Variants in SLC8A1 observed in about 807,000 individuals in gnomAD.
The protein encoded by SLC8A1 is sodium/calcium exchanger 1.
In SLC8A1, 18 loss-of-function variants were observed where a neutral mutation model predicts 68.3. The observed-to-expected ratio is 0.26, with a 90% CI of 0.18 to 0.39. The LOEUF (loss-of-function observed/expected upper bound fraction) is 0.39, where lower values mean the gene tolerates loss of function less well. SLC8A1 is among the 10% of genes least tolerant of loss of function. The pLI, the probability that SLC8A1 is intolerant of heterozygous loss-of-function variation, is 1.00. For missense variants in SLC8A1, 985 were observed against 1,156.7 expected (o/e 0.85, Z 2.15); for synonymous variants, 475 against 415.5 (o/e 1.14, Z -1.74).
At chr2:40,302,074 T>TGTGTGTGTGTGTG (rs1491553759) in intron 2 of SLC8A1, among the ~76,000 whole-genome samples, 43 of 148,004 alleles carry the variant, frequency 2.9e-4, no homozygotes, top group East Asian at 1.0e-3. Flanking sequence ...TGTGTGTGTG[T>TGTGTGTGTGTGTG]TTAGTAGAGA....
chr2:40,245,683 CTTTT>C (rs60082736), intron 2 of SLC8A1, among the ~76,000 whole-genome samples: 1 of 146,706 alleles, frequency 6.8e-6, no homozygotes, highest in African/African-American at 2.5e-5. Flanking sequence ...AAAAGTCAAA[CTTTT>C]TTTTTTTTAA....
At chr2:40,126,288 T>C (rs531939508) in intron 7 of SLC8A1, among the ~76,000 whole-genome samples, 1 of 152,166 alleles carries the variant, frequency 6.6e-6, no homozygotes, top group Non-Finnish European at 1.5e-5. Context: ...GCTATATAAA[T>C]GTAGTTACTA....
chr2:40,115,920 C>A (rs1029873232), intron 7 of SLC8A1, among the ~76,000 whole-genome samples: 1 of 152,142 alleles, frequency 6.6e-6, no homozygotes, highest in Non-Finnish European at 1.5e-5. Flanking sequence ...TGCAGGGCAG[C>A]ATTTTTTCAG....
intron 1 of SLC8A1, among the ~76,000 whole-genome samples, chr2:40,500,764 T>A (rs979997235): frequency 1.4e-5 from 2 of 145,590 alleles, no homozygotes; most frequent in East Asian, 4.2e-4. Context: ...ACATAGACAC[T>A]GAACCTATAA....
intron 6 of SLC8A1, among the ~76,000 whole-genome samples, chr2:40,159,969 T>A (rs1350716370): frequency 6.6e-6 from 1 of 152,150 alleles, no homozygotes; most frequent in African/African-American, 2.4e-5. Context: ...CTACCTTTGT[T>A]AATTCGTTGC....
At chr2:40,457,261 G>T (rs1159015345) in intron 1 of SLC8A1, among the ~76,000 whole-genome samples, 1 of 152,194 alleles carries the variant, frequency 6.6e-6, no homozygotes, top group Non-Finnish European at 1.5e-5. Context: ...AGGGGCTCAA[G>T]ATAAGCTCCC....
At chr2:40,381,558 T>A (rs902971029) in intron 2 of SLC8A1, among the ~76,000 whole-genome samples, 2 of 151,980 alleles carry the variant, frequency 1.3e-5, no homozygotes, top group African/African-American at 4.8e-5. Flanking sequence ...CCTGGCCCCA[T>A]TCTTCCCATC....
At chr2:40,228,606 G>T (rs1013828408) in intron 2 of SLC8A1, among the ~76,000 whole-genome samples, 4 of 152,164 alleles carry the variant, frequency 2.6e-5, no homozygotes, top group African/African-American at 9.7e-5. Context: ...AGACCCCCAG[G>T]TCTTCACTGT....
chr2:40,496,504 A>T (rs2149930911), intron 1 of SLC8A1, among the ~76,000 whole-genome samples: 1 of 152,182 alleles, frequency 6.6e-6, no homozygotes, highest in South Asian at 2.1e-4. Flanking sequence ...ATAACCAGAT[A>T]AACCAGAGCT....
intron 7 of SLC8A1, among the ~76,000 whole-genome samples, chr2:40,127,875 G>A (rs578122425): frequency 1.5e-4 from 23 of 152,312 alleles, no homozygotes; most frequent in African/African-American, 5.3e-4. Flanking sequence ...AGGATTTATA[G>A]ATGCTGAGCT....
At chr2:40,217,083 T>C (rs2057614951) in intron 2 of SLC8A1, among the ~76,000 whole-genome samples, 1 of 152,190 alleles carries the variant, frequency 6.6e-6, no homozygotes, top group Admixed American at 6.5e-5. Flanking sequence ...CATGCCTAGA[T>C]ATTGCCTAGG....
chr2:40,393,280 T>A (rs1685894263), intron 2 of SLC8A1, among the ~76,000 whole-genome samples: 1 of 151,936 alleles, frequency 6.6e-6, no homozygotes, highest in Admixed American at 6.6e-5. Flanking sequence ...AGGAAAAAAA[T>A]CCCAACAGCT....
intron 2 of SLC8A1, among the ~76,000 whole-genome samples, chr2:40,425,681 A>G (rs1283888013): frequency 6.6e-6 from 1 of 151,940 alleles, no homozygotes; most frequent in Non-Finnish European, 1.5e-5. Flanking sequence ...TGAGATATAA[A>G]TTCATTCTTA....
intron 2 of SLC8A1, among the ~76,000 whole-genome samples, chr2:40,413,453 G>A (rs180707392): frequency 2.0e-5 from 3 of 152,268 alleles, no homozygotes; most frequent in African/African-American, 4.8e-5. Context: ...GTCCTTTGTA[G>A]GGACATGGAT....
intron 6 of SLC8A1, among the ~76,000 whole-genome samples, chr2:40,154,122 T>C (rs145128209): frequency 0.031 from 4,708 of 152,128 alleles, 81 homozygotes; most frequent in Middle Eastern, 0.051. Context: ...CTACACAAGT[T>C]ACGTAACCAC....
At chr2:40,493,558 T>C (rs1327871246) in intron 1 of SLC8A1, among the ~76,000 whole-genome samples, 2 of 150,452 alleles carry the variant, frequency 1.3e-5, no homozygotes, top group Non-Finnish European at 1.5e-5. Flanking sequence ...AAAGTGTAAA[T>C]AAATTTACAA....
At chr2:40,392,554 G>T (rs955514771) in intron 2 of SLC8A1, among the ~76,000 whole-genome samples, 2 of 152,158 alleles carry the variant, frequency 1.3e-5, no homozygotes, top group African/African-American at 4.8e-5. Flanking sequence ...TAACAGGCTG[G>T]TATCAATTGT....
At chr2:40,201,701 A>G (rs1573985555) in intron 2 of SLC8A1, among the ~76,000 whole-genome samples, 1 of 152,056 alleles carries the variant, frequency 6.6e-6, no homozygotes, top group East Asian at 1.9e-4. Context: ...GGAAGGCTGT[A>G]TGGTCATAGA....
intron 2 of SLC8A1, among the ~76,000 whole-genome samples, chr2:40,338,963 A>T (rs558937464): frequency 9.2e-5 from 14 of 152,232 alleles, no homozygotes; most frequent in Non-Finnish European, 2.9e-5. Context: ...TCCAAGCCAC[A>T]GACAGTGAAC....
Sources: gnomAD v4.1 joint callset for allele counts (sites outside exome capture counted in the v4.1 genomes callset) on GRCh38, gnomAD v4.1.1 for gene constraint, MANE v1.5 for transcripts, NCBI Gene and HGNC (gene_info 2026-07-23, HGNC 2026-07-21) for gene names.